Variants in RBFOX1 observed in about 807,000 individuals in gnomAD.
RBFOX1 encodes the protein RNA binding protein fox-1 homolog 1.
A neutral mutation model predicts 57.7 loss-of-function variants in RBFOX1; 8 were observed. The observed-to-expected ratio is 0.14, with a 90% CI of 0.08 to 0.25. The LOEUF is 0.25. Ranked by LOEUF, RBFOX1 falls within the 10% of genes least tolerant of loss-of-function variation. RBFOX1 has a pLI of 1.00. For synonymous variants in RBFOX1, 326 were observed against 222.4 expected, an observed-to-expected ratio of 1.47 and a Z score of -4.15; for missense variants, 611 against 548.5, an observed-to-expected ratio of 1.11 and a Z score of -1.14.
At chr16:7,208,112 C>G (rs2090368103) in intron 4 of RBFOX1, among the ~76,000 whole-genome samples, 1 of 152,148 alleles carries the variant, frequency 6.6e-6, no homozygotes. Flanking sequence ...ACAGGAAAAG[C>G]TGGAGATGGC....
At chr16:6,005,015 A>T (rs2152332706) in intron 4 of RBFOX1, among the ~76,000 whole-genome samples, 1 of 149,288 alleles carries the variant, frequency 6.7e-6, no homozygotes, top group Admixed American at 6.7e-5. Flanking sequence ...AAAACAAAAC[A>T]AAACTTGGGG....
intron 4 of RBFOX1, among the ~76,000 whole-genome samples, chr16:7,090,498 G>A (rs1488061833): frequency 1.3e-5 from 2 of 152,020 alleles, no homozygotes; most frequent in Non-Finnish European, 2.9e-5. Context: ...AAATAGTGTG[G>A]CCCCATTAAG....
chr16:5,785,828 A>G (rs1219089118), intron 3 of RBFOX1, among the ~76,000 whole-genome samples: 1 of 152,072 alleles, frequency 6.6e-6, no homozygotes, highest in Non-Finnish European at 1.5e-5. Flanking sequence ...CACCCGGCCA[A>G]GATGTCTGCA....
At chr16:5,899,425 T>C (rs1470585637) in intron 4 of RBFOX1, among the ~76,000 whole-genome samples, 2 of 152,136 alleles carry the variant, frequency 1.3e-5, no homozygotes, top group Admixed American at 6.5e-5. Flanking sequence ...GACTGAATGA[T>C]GAACAGGGCA....
chr16:7,574,584 G>C (rs12597996), intron 5 of RBFOX1, among the ~76,000 whole-genome samples: 19,008 of 152,122 alleles, frequency 0.12, 1,574 homozygotes, highest in South Asian at 0.22. Context: ...TTGTAGGCTG[G>C]AAGACTCAGC....
chr16:5,863,053 G>A (rs956907376), intron 3 of RBFOX1, among the ~76,000 whole-genome samples: 2 of 152,142 alleles, frequency 1.3e-5, no homozygotes, highest in African/African-American at 2.4e-5. Flanking sequence ...AGGCAGCTTT[G>A]GAGTTCGACC....
rs192383081 is a variant in RBFOX1 at position 7,545,177 on chromosome 16, G to A, written c.270+26788G>A. Reference sequence around the variant, plus strand: ...GTGAACTTGAGTAGTTACTAGTTACGTGGACTGGGAGAACACGGTTAAAGT... The same window carrying A: ...GTGAACTTGAGTAGTTACTAGTTACATGGACTGGGAGAACACGGTTAAAGT... On this transcript the variant is annotated intron_variant, in intron 5 of 15. Coordinates refer to ENST00000550418, the MANE Select transcript of RBFOX1 (RefSeq NM_018723.4). Among the ~76,000 whole-genome samples, 34 of 152,284 alleles carry A rather than the reference G, an allele frequency of 2.2e-4. 1 individual carries two copies. Among genetic ancestry groups the A allele is most frequent in the African/African-American group, 7.7e-4 (32 of 41,562 alleles).
intron 2 of RBFOX1, among the ~76,000 whole-genome samples, chr16:6,606,133 C>A (rs891837454): frequency 6.6e-6 from 1 of 151,974 alleles, no homozygotes; most frequent in Non-Finnish European, 1.5e-5. Context: ...AAGAAATATA[C>A]ATCTTATAAT....
intron 3 of RBFOX1, among the ~76,000 whole-genome samples, chr16:6,952,300 T>A (rs1483773347): frequency 6.6e-6 from 1 of 152,144 alleles, no homozygotes; most frequent in East Asian, 1.9e-4. Context: ...AGCTCTTGTG[T>A]GTGCAAAAAA....
chr16:6,942,116 G>A (rs116097090), intron 3 of RBFOX1, among the ~76,000 whole-genome samples: 1 of 152,128 alleles, frequency 6.6e-6, no homozygotes, highest in African/African-American at 2.4e-5. Context: ...GTGCACACCT[G>A]TAATCCCAGC....
chr16:6,037,214 C>G (rs1039697912), intron 1 of RBFOX1: 3 of 151,960 alleles, frequency 2.0e-5, no homozygotes, highest in Non-Finnish European at 4.4e-5. Context: ...TTAACCAAAC[C>G]CCATAAAACC....
chr16:7,115,199 T>A (rs573855540), intron 4 of RBFOX1, among the ~76,000 whole-genome samples: 72 of 152,270 alleles, frequency 4.7e-4, no homozygotes, highest in Non-Finnish European at 5.6e-4. Context: ...TTTAATTAAC[T>A]GATGAAAATG....
At chr16:5,892,236 G>C (rs2151936403) in intron 4 of RBFOX1, among the ~76,000 whole-genome samples, 1 of 152,278 alleles carries the variant, frequency 6.6e-6, no homozygotes, top group Non-Finnish European at 1.5e-5. Flanking sequence ...GAGAAAGTGA[G>C]GTTTGAGAAG....
intron 4 of RBFOX1, among the ~76,000 whole-genome samples, chr16:5,999,792 C>T (rs999863536): frequency 1.5e-5 from 2 of 130,718 alleles, no homozygotes; most frequent in South Asian, 5.6e-4. Flanking sequence ...ACCTGGGAGG[C>T]GGAGCTTGTG....
At chr16:7,120,862 C>CACACACACACACACACACATAA in intron 4 of RBFOX1, among the ~76,000 whole-genome samples, 1 of 143,726 alleles carries the variant, frequency 7.0e-6, no homozygotes, top group South Asian at 2.2e-4. Context: ...CACACACATA[C>CACACACACACACACACACATAA]GTAAACATAT....
At position 6,634,791 on chromosome 16, in the gene RBFOX1, T is replaced by C. The variant is rs1223207892; in HGVS notation, c.-63-19812T>C. Among the ~76,000 whole-genome samples, 7 of 139,050 alleles carry C rather than the reference T, an allele frequency of 5.0e-5. No individual in the cohort carries two copies. In the East Asian group the frequency reaches 1.2e-3, roughly 24 times the overall value. 91.2% of individuals were successfully genotyped at this position (139,050 alleles called of 152,430 possible). The stretch of plus-strand genomic sequence containing the variant: ...TTGTACTAAATATATAATACAAAGA[T>C]ATACATATATTTGTATTATATATAA... On this transcript the variant is annotated intron_variant, in intron 2 of 15. Coordinates refer to ENST00000550418, the MANE Select transcript of RBFOX1 (RefSeq NM_018723.4).
At chr16:6,935,843 T>A (rs2077278313) in intron 3 of RBFOX1, among the ~76,000 whole-genome samples, 1 of 152,174 alleles carries the variant, frequency 6.6e-6, no homozygotes, top group Non-Finnish European at 1.5e-5. Flanking sequence ...GGGGCCAGGA[T>A]ACCTGTGGTC....
intron 4 of RBFOX1, among the ~76,000 whole-genome samples, chr16:7,073,925 C>T (rs2057836668): frequency 6.6e-6 from 1 of 152,004 alleles, no homozygotes; most frequent in Non-Finnish European, 1.5e-5. Flanking sequence ...CAATCCAGAG[C>T]AGTGTTTGGC....
chr16:5,608,446 CT>C (rs1314577557), intron 3 of RBFOX1, among the ~76,000 whole-genome samples: 2 of 152,200 alleles, frequency 1.3e-5, no homozygotes, highest in Non-Finnish European at 2.9e-5. Flanking sequence ...GGGAACCAGG[CT>C]GCAGCCTTGA....
Sources: gnomAD v4.1 joint callset for allele counts (sites outside exome capture counted in the v4.1 genomes callset) on GRCh38, gnomAD v4.1.1 for gene constraint, MANE v1.5 for transcripts, NCBI Gene and HGNC (gene_info 2026-07-23, HGNC 2026-07-21) for gene names.